The following CFAP43 variants were observed in gnomAD, a reference collection of about 807,000 sequenced individuals.
The protein encoded by CFAP43 is cilia and flagella associated protein 43, also known as cilia- and flagella-associated protein 43.
In CFAP43, 155 loss-of-function variants were observed where a neutral mutation model predicts 218.9. The observed-to-expected ratio is 0.71, with a 90% CI of 0.62 to 0.81. CFAP43 has a LOEUF of 0.81. CFAP43 is among the 30% of genes least tolerant of loss of function. The pLI is 0.00. For synonymous variants in CFAP43, 645 were observed against 681.3 expected (o/e 0.95, Z 0.83); for missense variants, 1,778 against 1,954.3 (o/e 0.91, Z 1.70).
At chr10:104,192,411 G>T in intron 11 of CFAP43, 109 bp from the exon 12 acceptor site, 1 of 824,966 alleles carries the variant, frequency 1.2e-6, no homozygotes, top group South Asian at 1.5e-5. Flanking sequence ...TCATTTTTAC[G>T]GTTTGCAATT....
chr10:104,131,176 T>C (rs908987600), intron 37 of CFAP43, among the ~76,000 whole-genome samples, 155 bp downstream of exon 37: 1 of 152,148 alleles, frequency 6.6e-6, no homozygotes, highest in Admixed American at 6.5e-5. Context: ...AACTTGTACA[T>C]GTACTCCCTG....
intron 3 of CFAP43, 66 bp from the exon 4 acceptor site, chr10:104,214,492 C>G: frequency 7.6e-7 from 1 of 1,312,910 alleles, no homozygotes; most frequent in Non-Finnish European, 1.0e-6. Context: ...GAACATTTAT[C>G]TATTTTTTAA....
chr10:104,167,805 T>C (rs1589688675), intron 21 of CFAP43, 68 bp from the exon 22 acceptor site: 1 of 1,154,170 alleles, frequency 8.7e-7, no homozygotes, highest in Non-Finnish European at 1.2e-6. Flanking sequence ...TGGGGTTGAG[T>C]AGGGGATGTT....
intron 2 of CFAP43, 32 bp downstream of exon 2, chr10:104,230,558 A>G (rs987912049): frequency 4.4e-6 from 7 of 1,591,594 alleles, no homozygotes; most frequent in Admixed American, 1.8e-5. Context: ...AAATCCTTCA[A>G]TTATGGGCAG....
intron 2 of CFAP43, among the ~76,000 whole-genome samples, chr10:104,227,784 A>C (rs17752045): frequency 0.14 from 20,538 of 150,324 alleles, 1,459 homozygotes; most frequent in South Asian, 0.21. Context: ...GTTTTGTGTG[A>C]AAAGTTCTTC....
At chr10:104,212,738 C>T (rs2134974313) in intron 4 of CFAP43, among the ~76,000 whole-genome samples, 1 of 152,200 alleles carries the variant, frequency 6.6e-6, no homozygotes, top group South Asian at 2.1e-4. Flanking sequence ...TATCATATAT[C>T]TACTTTTAAT....
chr10:104,210,406 A>G (rs575022127), intron 5 of CFAP43, among the ~76,000 whole-genome samples: 65 of 152,098 alleles, frequency 4.3e-4, no homozygotes, highest in Non-Finnish European at 2.4e-4. Flanking sequence ...TCTCGCTGTC[A>G]CCCAGGCTGG....
chr10:104,139,409 A>G (rs984612295), intron 34 of CFAP43, among the ~76,000 whole-genome samples: 1 of 152,192 alleles, frequency 6.6e-6, no homozygotes, highest in Admixed American at 6.5e-5. Context: ...ACACATGTGC[A>G]TACCGCCCCC....
intron 19 of CFAP43, among the ~76,000 whole-genome samples, chr10:104,176,275 G>A (rs2089629187): frequency 6.6e-6 from 1 of 152,066 alleles, no homozygotes; most frequent in African/African-American, 2.4e-5. Flanking sequence ...ACAGACTGGG[G>A]AAATGGGCTA....
rs1285213507 is a variant in CFAP43 at position 104,194,788 on chromosome 10, A to G, written c.1294-774T>C. Among the ~76,000 whole-genome samples, 3 of 152,220 alleles carry G rather than the reference A, an allele frequency of 2.0e-5. No homozygotes were observed. The East Asian group carries it at 5.8e-4, about 29-fold the overall frequency. On this transcript the variant is annotated intron_variant, in intron 10 of 37. Coordinates refer to ENST00000357060, the MANE Select transcript of CFAP43 (RefSeq NM_025145.7). ...ATAAAATCATGGAACTCAGGACTGA[A>G]AAAGAACATAAGAGATCATTTTGCA...
intron 2 of CFAP43, among the ~76,000 whole-genome samples, chr10:104,229,768 C>T (rs1467439857): frequency 6.6e-6 from 1 of 152,186 alleles, no homozygotes; most frequent in Non-Finnish European, 1.5e-5. Flanking sequence ...CTATCATCAT[C>T]ACCGCAGCCT....
Position 104,205,992 on chromosome 10 carries a change from G to C in CFAP43, c.934C>G (p.Gln312Glu). The C allele has an allele frequency of 6.2e-7, 1 of 1,610,402 alleles. No homozygotes were observed. The highest frequency in any genetic ancestry group is 8.5e-7 in the Non-Finnish European group (1 of 1,179,280). Reference protein sequence around the residue: ...NFISPVTLVYQKEGVLASGID... With the variant: ...NFISPVTLVYEKEGVLASGID... ...CCAGAAGCCAGCACGCCCTCCTTCT[G>C]ATATACCAAGGTTACTGGACTGATA... The change falls in exon 7 of 38, where the codon CAG becomes GAG. Residue 312 changes from glutamine (Q) to glutamate (E), a missense_variant. Around this residue, in one of 3 missense-constraint regions of CFAP43, gnomAD observed 1,553 missense variants for 1,685.2 expected, o/e 0.92. Transcript: ENST00000357060.
At chr10:104,157,119 G>T (rs1181815226) in intron 27 of CFAP43, among the ~76,000 whole-genome samples, 2 of 152,196 alleles carry the variant, frequency 1.3e-5, no homozygotes, top group Non-Finnish European at 2.9e-5. Context: ...CATTTTTGTT[G>T]TTGCTGCTGT....
chr10:104,159,648 G>A (rs1438885572), intron 27 of CFAP43, among the ~76,000 whole-genome samples: 2 of 152,164 alleles, frequency 1.3e-5, no homozygotes, highest in African/African-American at 4.8e-5. Flanking sequence ...CAGCAGTAGA[G>A]GAGTAAGGGA....
chr10:104,195,386 C>A (rs763977145), intron 10 of CFAP43, among the ~76,000 whole-genome samples: 1 of 152,168 alleles, frequency 6.6e-6, no homozygotes, highest in Admixed American at 6.5e-5. Context: ...ATTAAATGCA[C>A]TTGTAAGATC....
chr10:104,179,499 G>T (rs1047332608), intron 18 of CFAP43, among the ~76,000 whole-genome samples: 1 of 152,156 alleles, frequency 6.6e-6, no homozygotes, highest in Non-Finnish European at 1.5e-5. Flanking sequence ...CCCTTCCCCT[G>T]TTCCTGGTCC....
chr10:104,182,862 C>T (rs1230457832), intron 16 of CFAP43, among the ~76,000 whole-genome samples: 1 of 152,078 alleles, frequency 6.6e-6, no homozygotes. Context: ...CAGGGGTACA[C>T]CACCATGCAT....
intron 9 of CFAP43, among the ~76,000 whole-genome samples, chr10:104,197,150 G>C (rs542653816): frequency 2.5e-3 from 381 of 152,106 alleles, no homozygotes; most frequent in Middle Eastern, 3.4e-3. Context: ...TAACTAATTA[G>C]TATTAGAAAA....
intron 12 of CFAP43, among the ~76,000 whole-genome samples, chr10:104,188,953 G>T (rs2090120976): frequency 6.6e-6 from 1 of 152,128 alleles, no homozygotes; most frequent in Non-Finnish European, 1.5e-5. Context: ...TTCTTCATGG[G>T]ACTGTGCTGC....
Sources: gnomAD v4.1 joint callset for allele counts (sites outside exome capture counted in the v4.1 genomes callset) on GRCh38, gnomAD v4.1.1 for gene constraint, gnomAD v4.1.1 regional missense constraint, MANE v1.5 for transcripts, NCBI Gene and HGNC (gene_info 2026-07-23, HGNC 2026-07-21) for gene names.